Variants in RIF1 observed in about 807,000 individuals in gnomAD.
RIF1 encodes replication timing regulatory factor 1.
Under a neutral mutation model 247.1 loss-of-function variants are expected in RIF1, and 45 were observed. The observed-to-expected ratio is 0.18, with a 90% confidence interval of 0.14 to 0.23. RIF1 has a LOEUF of 0.23. RIF1 is among the 10% of genes least tolerant of loss of function. The pLI, the probability that RIF1 is intolerant of heterozygous loss-of-function variation, is 1.00. For missense variants in RIF1, 2,967 were observed against 2,862.5 expected, an observed-to-expected ratio of 1.04 and a Z score of -0.83; for synonymous variants, 1,087 against 978.8, an observed-to-expected ratio of 1.11 and a Z score of -2.06.
chr2:151,428,745 C>T (rs780378665), intron 8 of RIF1, 39 bp from the exon 9 acceptor site: 13 of 1,496,476 alleles, frequency 8.7e-6, no homozygotes, highest in South Asian at 1.1e-5. Context: ...CTGTTTCATG[C>T]AGATAAATAA....
At chr2:151,424,825 A>ATTTTTTTTTTT (rs71000475) in intron 8 of RIF1, among the ~76,000 whole-genome samples, 4 of 47,270 alleles carry the variant, frequency 8.5e-5, no homozygotes, top group African/African-American at 2.4e-4. Flanking sequence ...AGCCCGGCTG[A>ATTTTTTTTTTT]TTTTTTTTTT....
In RIF1 at chr2:151,463,504, ACCTGGTTTG is replaced by A. The variant is rs1261382203; in HGVS notation, c.3986_3994del (p.Pro1329_Leu1331del). On this transcript the variant is annotated inframe_deletion, in exon 30 of 36. Coordinates refer to ENST00000444746, the MANE Select transcript of RIF1 (RefSeq NM_018151.5). ...GCATTGTAGTCTTAGAAAATAACCCACCTGGTTTGCTTAATCAAACAGAATGTGTGTCAG... is the reference window on the plus strand; with the variant it reads ...GCATTGTAGTCTTAGAAAATAACCCACTTAATCAAACAGAATGTGTGTCAG... 2 of 1,613,936 alleles carry A rather than the reference ACCTGGTTTG, an allele frequency of 1.2e-6. No homozygotes were observed. The highest frequency in any genetic ancestry group is 1.7e-6 in the Non-Finnish European group (2 of 1,179,964).
At chr2:151,415,563 C>CAAGGAA (rs1687057887) in intron 4 of RIF1, among the ~76,000 whole-genome samples, 1 of 44,872 alleles carries the variant, frequency 2.2e-5, no homozygotes. Flanking sequence ...GACTCTGTCT[C>CAAGGAA]AAAAAAAAAA....
At chr2:151,420,999 T>C (rs1688070682) in intron 7 of RIF1, among the ~76,000 whole-genome samples, 1 of 152,208 alleles carries the variant, frequency 6.6e-6, no homozygotes, top group Non-Finnish European at 1.5e-5. Flanking sequence ...TGTTACTGTA[T>C]AATCCCAGTA....
chr2:151,430,249 C>T (rs138060351), intron 9 of RIF1, among the ~76,000 whole-genome samples: 3,726 of 152,130 alleles, frequency 0.024, 56 homozygotes, highest in African/African-American at 0.039. Context: ...TCTTGATCCC[C>T]TGACCTGGTG....
At chr2:151,431,661 C>A (rs1690148425) in intron 9 of RIF1, among the ~76,000 whole-genome samples, 1 of 152,156 alleles carries the variant, frequency 6.6e-6, no homozygotes, top group African/African-American at 2.4e-5. Flanking sequence ...GTGGCACATG[C>A]CTGTAATCCC....
chr2:151,444,219 G>T (rs546818071), intron 18 of RIF1, among the ~76,000 whole-genome samples: 2 of 152,198 alleles, frequency 1.3e-5, no homozygotes, highest in Non-Finnish European at 2.9e-5. Context: ...TTTATGATTT[G>T]TCAGCCTCTT....
chr2:151,445,347 G>A lies in RIF1; in HGVS notation c.1996G>A (p.Val666Ile). ...LTELINQTNE[V>I]NQGDALEHNF... is the part of the protein sequence containing the mutation. Reference sequence around the variant, plus strand: ...ATTTTTCTTGTTTTAGACCAATGAAGTAAATCAAGGTGATGCCTTAGAACA... The same window carrying A: ...ATTTTTCTTGTTTTAGACCAATGAAATAAATCAAGGTGATGCCTTAGAACA... The change falls in exon 19 of 36, where the codon GTA becomes ATA. Residue 666 changes from valine (V) to isoleucine (I), a missense_variant. Physicochemically the swap from Val to Ile is conservative, Grantham distance 29. This residue lies in a region of RIF1 where 76 missense variants were observed against 113.3 expected (regional missense o/e 0.67). Transcript: ENST00000444746. 6.3e-7 allele frequency: 1 copy of A among 1,577,584 alleles called. No individual in the cohort carries two copies. The highest frequency in any genetic ancestry group is 8.7e-7 in the Non-Finnish European group (1 of 1,146,772).
intron 26 of RIF1, 74 bp downstream of exon 26, chr2:151,460,193 G>T: frequency 8.5e-7 from 1 of 1,180,076 alleles, no homozygotes; most frequent in Non-Finnish European, 1.2e-6. Flanking sequence ...TTAAAAATTG[G>T]ATGAAAGAAC....
At chr2:151,459,685 G>T (rs1234900249) in intron 25 of RIF1, among the ~76,000 whole-genome samples, 2 of 152,148 alleles carry the variant, frequency 1.3e-5, no homozygotes, top group African/African-American at 4.8e-5. Flanking sequence ...TATTCTCTTA[G>T]AAATATTTTC....
At chr2:151,498,187 A>AAAAT in intron 10 of RIF1, 1 of 1,547,878 alleles carries the variant, frequency 6.5e-7, no homozygotes, top group Non-Finnish European at 8.7e-7. Context: ...GCTTCAAACA[A>AAAAT]AAATAAATAA....
At chr2:151,420,503 A>C in intron 7 of RIF1, 124 bp downstream of exon 7, 2 of 849,514 alleles carry the variant, frequency 2.4e-6, no homozygotes, top group Non-Finnish European at 3.6e-6. Context: ...CGGGAGGCTG[A>C]GGTGGGAGGA....
downstream of RIF1, chr2:151,485,732 T>C (rs1250003491): frequency 3.2e-6 from 5 of 1,581,698 alleles, no homozygotes; most frequent in Non-Finnish European, 4.3e-6. Flanking sequence ...CTGTAAGTCC[T>C]GCAGACAAGT....
intron 11 of RIF1, chr2:151,501,526 AT>A (rs778177270): frequency 2.6e-6 from 3 of 1,166,474 alleles, no homozygotes; most frequent in African/African-American, 3.1e-5. Flanking sequence ...TGGACCCATC[AT>A]TTTTTAGGTA....
At chr2:151,490,105 A>G in intron 9 of RIF1, 1 of 1,537,400 alleles carries the variant, frequency 6.5e-7, no homozygotes, top group Non-Finnish European at 8.9e-7. Context: ...AATTCTTTAT[A>G]AGAAGAAAAA....
chr2:151,510,800 C>G (rs1297305682), downstream of RIF1, among the ~76,000 whole-genome samples: 1 of 152,140 alleles, frequency 6.6e-6, no homozygotes, highest in African/African-American at 2.4e-5. Flanking sequence ...TGGAACATAT[C>G]CCCCTCGGAT....
chr2:151,503,833 A>G (rs1203619993), intron 12 of RIF1, among the ~76,000 whole-genome samples: 1 of 152,028 alleles, frequency 6.6e-6, no homozygotes, highest in Non-Finnish European at 1.5e-5. Flanking sequence ...ATCATAGGAT[A>G]CTCTATTCCT....
At chr2:151,427,846 C>G (rs1415423104) in intron 8 of RIF1, among the ~76,000 whole-genome samples, 5 of 152,048 alleles carry the variant, frequency 3.3e-5, no homozygotes, top group Non-Finnish European at 7.4e-5. Context: ...GGACTGAGTT[C>G]AGGAGTTCGA....
chr2:151,466,858 A>T (rs772918304), intron 30 of RIF1, among the ~76,000 whole-genome samples: 32 of 152,240 alleles, frequency 2.1e-4, no homozygotes, highest in Non-Finnish European at 2.9e-4. Context: ...TGTAGAATAC[A>T]TTTTATATAT....
Sources: allele counts gnomAD v4.1 joint callset (sites outside exome capture counted in the v4.1 genomes callset), GRCh38; gene constraint gnomAD v4.1.1; regional missense constraint gnomAD v4.1.1; transcripts MANE v1.5; gene names NCBI Gene and HGNC (gene_info 2026-07-23, HGNC 2026-07-21).